ST18: variants seen among roughly 807,000 people sequenced by gnomAD.
ST18 encodes the protein ST18 C2H2C-type zinc finger transcription factor.
A neutral mutation model predicts 110.0 loss-of-function variants in ST18; 50 were observed. The ratio of observed to expected loss-of-function variants is 0.45; its 90% CI spans 0.36 to 0.58. The LOEUF is 0.58. Ranked by LOEUF, ST18 falls within the 20% of genes least tolerant of loss-of-function variation. The pLI is 0.00. For missense variants in ST18, 1,306 were observed against 1,280.1 expected (o/e 1.02, Z -0.31); for synonymous variants, 461 against 452.4 (o/e 1.02, Z -0.24).
chr8:52,356,344 C>T (rs1360350908), intron 2 of ST18, among the ~76,000 whole-genome samples: 1 of 152,060 alleles, frequency 6.6e-6, no homozygotes, highest in Non-Finnish European at 1.5e-5. Context: ...AAAACTCTGT[C>T]AAAACACTAG....
At chr8:52,122,388 T>C (rs931671174) in intron 23 of ST18, among the ~76,000 whole-genome samples, 13 of 152,160 alleles carry the variant, frequency 8.5e-5, no homozygotes, top group African/African-American at 3.1e-4. Context: ...TTAAGTACTA[T>C]AGTTATGTTT....
intron 6 of ST18, among the ~76,000 whole-genome samples, chr8:52,215,133 A>G (rs2083656374): frequency 6.6e-6 from 1 of 152,154 alleles, no homozygotes; most frequent in Non-Finnish European, 1.5e-5. Context: ...TCCCATCCTT[A>G]AATCCTGACA....
intron 2 of ST18, among the ~76,000 whole-genome samples, chr8:52,252,358 T>A (rs1247578324): frequency 6.6e-6 from 1 of 152,030 alleles, no homozygotes; most frequent in Admixed American, 6.6e-5. Context: ...AGAGTATGTA[T>A]GTTAACTTTT....
intron 15 of ST18, among the ~76,000 whole-genome samples, chr8:52,154,243 G>A (rs549685068): frequency 2.6e-5 from 4 of 152,314 alleles, no homozygotes; most frequent in African/African-American, 4.8e-5. Flanking sequence ...CCAGAGGGCC[G>A]CCAGACTTCC....
chr8:52,379,473 C>A (rs1209001324), intron 2 of ST18, among the ~76,000 whole-genome samples: 1 of 151,948 alleles, frequency 6.6e-6, no homozygotes, highest in Non-Finnish European at 1.5e-5. Context: ...TACAGTTGAC[C>A]TTTGAACAAC....
chr8:52,158,981 C>G lies in ST18; in HGVS notation c.1723G>C (p.Ala575Pro). The G allele has an allele frequency of 6.2e-7, 1 of 1,614,098 alleles. No homozygotes were observed. The highest frequency in any genetic ancestry group is 1.1e-5 in the South Asian group (1 of 91,076). The change falls in exon 15 of 26, where the codon GCT becomes CCT. Residue 575 changes from alanine (A) to proline (P), a missense_variant. Physicochemically the swap from Ala to Pro is conservative, Grantham distance 27 (BLOSUM62 -1). Transcript: ENST00000689386. ...QCSEDTHIAA[A>P]AAILNLSTRC... ...GTGGAAAGGTTCAGGATGGCAGCAG[C>G]TGCTGCTATGTGGGTGTCTTCACTA...
rs571085878 is a variant in ST18 at position 52,281,297 on chromosome 8, TAAA to T, written c.-464-51223_-464-51221del. Reference sequence around the variant, plus strand: ...AGAACAACAAACAAGAAAATAATCATAAAGAAGTGTTAAGAAACAAAGTAATAA... The same window carrying T: ...AGAACAACAAACAAGAAAATAATCATGAAGTGTTAAGAAACAAAGTAATAA... On this transcript the variant is annotated intron_variant, in intron 2 of 25. Coordinates refer to ENST00000689386, the MANE Select transcript of ST18 (RefSeq NM_001352837.2). 1.6e-3 allele frequency among the ~76,000 whole-genome samples: 246 copies of T among 151,864 alleles called. 2 individuals carry two copies. Among genetic ancestry groups the T allele is most frequent in the African/African-American group, 5.7e-3 (235 of 41,450 alleles).
rs566273935 is a variant in ST18, at chr8:52,249,294, C to A, written c.-464-19217G>T. The A allele has an allele frequency of 6.6e-5, 10 of 152,394 alleles. No homozygotes were observed. The East Asian group carries it at 1.5e-3, about 23-fold the overall frequency. The allele number at this position is 152,394 out of a possible 1,614,324, so 9.4% of individuals were successfully genotyped here. A position where few individuals can be genotyped will look rare whatever the true frequency, so the allele number is the denominator to read the frequency against. On this transcript the variant is annotated intron_variant, in intron 2 of 25. Transcript: ENST00000689386. ...TACTTGTGGAGAAACGGACTTTCAG[C>A]CCCACGGTTAGGCTAAGATCTGTTC...
At chr8:52,152,563 C>T (rs778216802) in intron 15 of ST18, among the ~76,000 whole-genome samples, 1 of 152,188 alleles carries the variant, frequency 6.6e-6, no homozygotes, top group Non-Finnish European at 1.5e-5. Flanking sequence ...TTTGAGCTAC[C>T]TGATGCTACC....
At chr8:52,310,916 G>A (rs990325122) in intron 2 of ST18, among the ~76,000 whole-genome samples, 9 of 152,326 alleles carry the variant, frequency 5.9e-5, no homozygotes, top group Admixed American at 5.9e-4. Flanking sequence ...CCACTGGGAA[G>A]CTGTGGCAGC....
intron 2 of ST18, among the ~76,000 whole-genome samples, chr8:52,352,151 C>A (rs899422736): frequency 6.6e-6 from 1 of 152,242 alleles, no homozygotes; most frequent in African/African-American, 2.4e-5. Flanking sequence ...CCCCCCACTT[C>A]TTTGTACACC....
intron 16 of ST18, among the ~76,000 whole-genome samples, chr8:52,145,259 TTTAAG>T (rs2056860261): frequency 6.6e-6 from 1 of 152,066 alleles, no homozygotes; most frequent in Non-Finnish European, 1.5e-5. Context: ...ATTATGAAAG[TTTAAG>T]TTATTTTACT....
chr8:52,359,506 AACTT>A (rs1010939934), intron 2 of ST18, among the ~76,000 whole-genome samples: 3 of 152,112 alleles, frequency 2.0e-5, no homozygotes, highest in Non-Finnish European at 4.4e-5. Flanking sequence ...ACGTGTTGAA[AACTT>A]ACTATGTGCC....
intron 16 of ST18, among the ~76,000 whole-genome samples, chr8:52,148,161 T>C (rs959600121): frequency 6.6e-6 from 1 of 152,214 alleles, no homozygotes; most frequent in Non-Finnish European, 1.5e-5. Flanking sequence ...TCTTAAACTT[T>C]GCTGGCATCA....
chr8:52,390,108 G>A (rs1284596663), intron 2 of ST18, among the ~76,000 whole-genome samples: 1 of 152,090 alleles, frequency 6.6e-6, no homozygotes, highest in Non-Finnish European at 1.5e-5. Context: ...CTAAGACAGG[G>A]CCGTTTCCCA....
At chr8:52,224,961 A>G (rs552263517) in intron 3 of ST18, among the ~76,000 whole-genome samples, 2 of 152,322 alleles carry the variant, frequency 1.3e-5, no homozygotes, top group Non-Finnish European at 2.9e-5. Flanking sequence ...AGTACAGGGA[A>G]TGCTATGGCA....
intron 8 of ST18, among the ~76,000 whole-genome samples, chr8:52,190,341 A>G (rs2134775561): frequency 6.6e-6 from 1 of 152,288 alleles, no homozygotes; most frequent in Non-Finnish European, 1.5e-5. Context: ...AGCGTTTCAG[A>G]TAAGGGAGAT....
intron 2 of ST18, among the ~76,000 whole-genome samples, chr8:52,367,169 C>T (rs1219230113): frequency 6.7e-6 from 1 of 148,978 alleles, no homozygotes; most frequent in Non-Finnish European, 1.5e-5. Flanking sequence ...GAGGTAGAGG[C>T]GGAGGCTGCG....
intron 23 of ST18, among the ~76,000 whole-genome samples, chr8:52,124,755 C>A (rs1425634335): frequency 1.3e-5 from 2 of 152,224 alleles, no homozygotes; most frequent in East Asian, 3.9e-4. Context: ...TGCATGTACA[C>A]TCCCCTCCTT....
Sources: gnomAD v4.1 joint callset for allele counts (sites outside exome capture counted in the v4.1 genomes callset) on GRCh38, gnomAD v4.1.1 for gene constraint, MANE v1.5 for transcripts, NCBI Gene and HGNC (gene_info 2026-07-23, HGNC 2026-07-21) for gene names.